C8orf74: variants seen among roughly 807,000 people sequenced by gnomAD.
C8orf74 encodes chromosome 8 open reading frame 74.
Under a neutral mutation model 22.2 loss-of-function variants are expected in C8orf74, and 29 were observed. The observed-to-expected ratio is 1.31, with a 90% CI of 0.97 to 1.78. The LOEUF (loss-of-function observed/expected upper bound fraction) is 1.78. Among genes scored for constraint, C8orf74 ranks in the 40% most tolerant of loss-of-function variants. The pLI, the probability that C8orf74 is intolerant of heterozygous loss-of-function variation, is 0.00. For missense variants in C8orf74, 515 were observed against 369.9 expected, an observed-to-expected ratio of 1.39 and a Z score of -3.22; for synonymous variants, 255 against 163.1, an observed-to-expected ratio of 1.56 and a Z score of -4.30.
At chr8:10,696,470 G>C (rs1202015557) in intron 2 of C8orf74, among the ~76,000 whole-genome samples, 1 of 112,908 alleles carries the variant, frequency 8.9e-6, no homozygotes, top group Admixed American at 1.1e-4. Flanking sequence ...TTTTGAGATG[G>C]AGTCTTGCTC....
intron 2 of C8orf74, chr8:10,687,055 C>A: frequency 2.2e-6 from 1 of 456,182 alleles, no homozygotes; most frequent in Non-Finnish European, 4.4e-6. Flanking sequence ...GTCCTAGAGC[C>A]ATGCTTCATT....
intron 2 of C8orf74, among the ~76,000 whole-genome samples, chr8:10,686,857 A>G (rs930733303): frequency 6.6e-6 from 1 of 152,156 alleles, no homozygotes; most frequent in Non-Finnish European, 1.5e-5. Flanking sequence ...TCCCCTACCC[A>G]TAACTGGGGA....
rs1563167052 is a variant in C8orf74 at position 10,700,285 on chromosome 8, G to A, written c.699G>A (p.Leu233=). The A allele has an allele frequency of 1.2e-6, 2 of 1,613,446 alleles. No homozygotes were observed. Among genetic ancestry groups the A allele is most frequent in the Non-Finnish European group, 1.7e-6 (2 of 1,179,534 alleles). ...CAGTCCACACCCAGATGGAGCTCCT[G>A]CAGGAGCTGCTGCAGCGCCAGATCC... is the stretch of plus-strand genomic sequence containing the variant. ...CQAVHTQMEL[L]QELLQRQIQN... Residue 233 remains leucine, a synonymous_variant, in exon 4 of 4, where the codon CTG becomes CTA. Transcript: ENST00000304519.
At chr8:10,694,652 CT>C (rs1391538781) in intron 2 of C8orf74, among the ~76,000 whole-genome samples, 43 of 152,326 alleles carry the variant, frequency 2.8e-4, no homozygotes, top group African/African-American at 1.0e-3. Flanking sequence ...TAGCTACCTG[CT>C]TAGGAATCAA....
At position 10,700,524 on chromosome 8, in the gene C8orf74, G is replaced by C; in HGVS notation, c.*53G>C. 2 of 1,187,506 alleles carry C rather than the reference G, an allele frequency of 1.7e-6. No individual in the cohort carries two copies. The highest frequency in any genetic ancestry group is 2.3e-6 in the Non-Finnish European group (2 of 853,280). The allele number at this position is 1,187,506 out of a possible 1,614,324, so 73.6% of individuals were successfully genotyped here. A position where few individuals can be genotyped will look rare whatever the true frequency, so the allele number is the denominator to read the frequency against. On this transcript the variant is annotated 3_prime_UTR_variant, in exon 4 of 4. Coordinates refer to ENST00000304519, the MANE Select transcript of C8orf74 (RefSeq NM_001040032.2). ...CTGGGGACCAGCCACCCATAACCAT[G>C]AGCCTTGCGGCACGGTGAGCTCAGC...
rs758912792 is a variant in C8orf74 at position 10,698,007 on chromosome 8, T to A, written c.648+2T>A. 2.0e-6 allele frequency: 3 copies of A among 1,469,796 alleles called. No homozygotes were observed. Among genetic ancestry groups the A allele is most frequent in the South Asian group, 1.4e-5 (1 of 72,704 alleles). The allele number at this position is 1,469,796 out of a possible 1,614,324, so 91.0% of individuals were successfully genotyped here. A position where few individuals can be genotyped will look rare whatever the true frequency, so the allele number is the denominator to read the frequency against. Reference sequence around the variant, plus strand: ...CCCGGCCAGGTCCTGGAGAGACAGGTGAGGCTCTGCCCCCCTGCCGTGGGT... The same window carrying A: ...CCCGGCCAGGTCCTGGAGAGACAGGAGAGGCTCTGCCCCCCTGCCGTGGGT... On this transcript the variant is annotated splice_donor_variant, in intron 3 of 3. Coordinates refer to ENST00000304519, the MANE Select transcript of C8orf74 (RefSeq NM_001040032.2). LOFTEE classifies it high-confidence loss of function.
At chr8:10,695,951 CA>C (rs1799487603) in intron 2 of C8orf74, among the ~76,000 whole-genome samples, 1 of 152,114 alleles carries the variant, frequency 6.6e-6, no homozygotes, top group African/African-American at 2.4e-5. Context: ...CAGAGGGGGA[CA>C]CTGAGTCACA....
At chr8:10,688,221 A>AT (rs1799302559) in intron 2 of C8orf74, 1 of 151,458 alleles carries the variant, frequency 6.6e-6, no homozygotes, top group African/African-American at 2.4e-5. Context: ...AAAAAAAAAA[A>AT]GAAAAGAAAA....
At chr8:10,678,099 T>C (rs1310405700) in intron 2 of C8orf74, among the ~76,000 whole-genome samples, 1 of 152,084 alleles carries the variant, frequency 6.6e-6, no homozygotes, top group Non-Finnish European at 1.5e-5. Flanking sequence ...CGAAACAAGC[T>C]CTTAGGTGGG....
chr8:10,699,649 G>A (rs1416646740), intron 3 of C8orf74, among the ~76,000 whole-genome samples: 1 of 152,188 alleles, frequency 6.6e-6, no homozygotes, highest in Non-Finnish European at 1.5e-5. Flanking sequence ...GGTGGACAGT[G>A]GCTGCATTTC....
intron 2 of C8orf74, among the ~76,000 whole-genome samples, chr8:10,694,203 G>A (rs1278351878): frequency 1.3e-5 from 2 of 151,978 alleles, no homozygotes; most frequent in Non-Finnish European, 2.9e-5. Context: ...TGAGAGCAGG[G>A]GATATGACTT....
At chr8:10,691,218 T>G in intron 2 of C8orf74, 1 of 320,900 alleles carries the variant, frequency 3.1e-6, no homozygotes. Context: ...TACACTTGGT[T>G]TGTATGACCT....
intron 2 of C8orf74, chr8:10,690,879 T>A: frequency 2.2e-6 from 1 of 455,790 alleles, no homozygotes; most frequent in African/African-American, 2.0e-5. Flanking sequence ...GGTGCTGGCC[T>A]CCAGGGGCTT....
rs377323805 is a variant in C8orf74 at position 10,684,730 on chromosome 8, A to C, written c.241+9892A>C. 3.2e-4 allele frequency among the ~76,000 whole-genome samples: 49 copies of C among 152,370 alleles called. No homozygotes were observed. In the South Asian group the frequency reaches 9.9e-3, roughly 31 times the overall value. ...AGATTTGTTCTTACGTAGTTCTTAG[A>C]AACCTCAGCATATGATTTTCTTTGT... On this transcript the variant is annotated intron_variant, in intron 2 of 3. Coordinates refer to ENST00000304519, the MANE Select transcript of C8orf74 (RefSeq NM_001040032.2).
chr8:10,680,632 G>C (rs1389477405), intron 2 of C8orf74, among the ~76,000 whole-genome samples: 1 of 152,234 alleles, frequency 6.6e-6, no homozygotes, highest in African/African-American at 2.4e-5. Flanking sequence ...GCCAGCAGAA[G>C]GGAGGCCCAG....
chr8:10,694,435 G>A (rs1799446187), intron 2 of C8orf74, among the ~76,000 whole-genome samples: 1 of 152,240 alleles, frequency 6.6e-6, no homozygotes, highest in African/African-American at 2.4e-5. Context: ...TTTCTCCAGA[G>A]ATAATTTTGA....
chr8:10,695,588 A>G (rs1409346921), intron 2 of C8orf74, among the ~76,000 whole-genome samples: 2 of 152,226 alleles, frequency 1.3e-5, no homozygotes, highest in African/African-American at 4.8e-5. Context: ...GGGAGATTCA[A>G]GGTGAATATT....
chr8:10,700,262 G>T lies in C8orf74; in HGVS notation c.676G>T (p.Val226Phe), dbSNP rs1799625501. 6.2e-7 allele frequency: 1 copy of T among 1,610,928 alleles called. No homozygotes were observed. Among genetic ancestry groups the T allele is most frequent in the African/African-American group, 1.3e-5 (1 of 74,850 alleles). Residue 226 changes from valine (V) to phenylalanine (F), a missense_variant, in exon 4 of 4, where the codon GTC (valine) becomes TTC (phenylalanine). Val to Phe is a conservative substitution (Grantham distance 50). Coordinates refer to ENST00000304519, the MANE Select transcript of C8orf74 (RefSeq NM_001040032.2). ...GTTGGAGAGCCTCATCTGCCAGGCA[G>T]TCCACACCCAGATGGAGCTCCTGCA... Reference protein sequence around the residue: ...QELESLICQAVHTQMELLQEL... With the variant: ...QELESLICQAFHTQMELLQEL...
In C8orf74 at chr8:10,673,988, C is replaced by A. The variant is rs184905082; in HGVS notation, c.49-658C>A. Among the ~76,000 whole-genome samples, 397 of 135,558 alleles carry A rather than the reference C, an allele frequency of 2.9e-3. 11 individuals carry two copies. Among genetic ancestry groups the A allele is most frequent in the Admixed American group, 0.028 (365 of 12,816 alleles). The allele number at this position is 135,558 out of a possible 152,430, so 88.9% of individuals were successfully genotyped here. Reference sequence around the variant, plus strand: ...CATATCCCACAACCCCCATATCATACCCCACAACCTTCACATCATACCCCG... The same window carrying A: ...CATATCCCACAACCCCCATATCATAACCCACAACCTTCACATCATACCCCG... On this transcript the variant is annotated intron_variant, in intron 1 of 3. Coordinates refer to ENST00000304519, the MANE Select transcript of C8orf74 (RefSeq NM_001040032.2).
Sources: allele counts gnomAD v4.1 joint callset (sites outside exome capture counted in the v4.1 genomes callset), GRCh38; gene constraint gnomAD v4.1.1; transcripts MANE v1.5; gene names NCBI Gene and HGNC (gene_info 2026-07-23, HGNC 2026-07-21).